The following HLCS variants were observed in gnomAD, a reference collection of about 807,000 sequenced individuals.
HLCS encodes the protein biotin--protein ligase.
Under a neutral mutation model 75.0 loss-of-function variants are expected in HLCS, and 53 were observed. The ratio of observed to expected loss-of-function variants is 0.71; its 90% CI spans 0.57 to 0.89. The LOEUF (loss-of-function observed/expected upper bound fraction) is 0.89, where lower values mean the gene tolerates loss of function less well. Among genes scored for constraint, HLCS ranks in the 40% least tolerant of loss-of-function variants. HLCS has a pLI of 0.00. For synonymous variants in HLCS, 431 were observed against 428.6 expected, an observed-to-expected ratio of 1.01 and a Z score of -0.07; for missense variants, 966 against 1,074.0, an observed-to-expected ratio of 0.90 and a Z score of 1.41.
intron 8 of HLCS, among the ~76,000 whole-genome samples, chr21:36,763,178 C>T (rs1427015647): frequency 6.6e-6 from 1 of 152,162 alleles, no homozygotes; most frequent in Non-Finnish European, 1.5e-5. Context: ...GCACCCATCA[C>T]CATGTCTGGC....
intron 8 of HLCS, among the ~76,000 whole-genome samples, chr21:36,764,724 A>G (rs1254459120): frequency 6.6e-6 from 1 of 152,146 alleles, no homozygotes; most frequent in Non-Finnish European, 1.5e-5. Context: ...AAATAAATAA[A>G]CAACAACAAA....
intron 6 of HLCS, among the ~76,000 whole-genome samples, chr21:36,837,817 C>A (rs1057325408): frequency 6.6e-6 from 1 of 151,990 alleles, no homozygotes; most frequent in Non-Finnish European, 1.5e-5. Context: ...CAGCCCAGCC[C>A]CTGTTGATAC....
At chr21:36,840,994 G>C (rs1242996463) in intron 6 of HLCS, among the ~76,000 whole-genome samples, 1 of 151,798 alleles carries the variant, frequency 6.6e-6, no homozygotes, top group African/African-American at 2.4e-5. Context: ...AAGAGGGGTG[G>C]GACAACAATA....
intron 6 of HLCS, among the ~76,000 whole-genome samples, chr21:36,857,859 G>A (rs569932416): frequency 1.3e-5 from 2 of 152,094 alleles, no homozygotes; most frequent in East Asian, 1.9e-4. Context: ...GTGCAATCTC[G>A]GCTCAATGCA....
At chr21:36,984,273 T>C (rs1216703941) in intron 1 of HLCS, among the ~76,000 whole-genome samples, 1 of 152,170 alleles carries the variant, frequency 6.6e-6, no homozygotes, top group African/African-American at 2.4e-5. Context: ...ACCCTATATA[T>C]ATTGTTTTTT....
chr21:36,896,577 A>G (rs1183852736), intron 6 of HLCS: 3 of 471,884 alleles, frequency 6.4e-6, no homozygotes, highest in African/African-American at 2.0e-5. Flanking sequence ...ATCTTTTTTC[A>G]TAATATTCGT....
In HLCS at chr21:36,750,152, G is replaced by A. The variant is rs2089322125; in HGVS notation, c.*4094C>T. Among the ~76,000 whole-genome samples the A allele has an allele frequency of 6.6e-6, 1 of 152,130 alleles. No homozygotes were observed. Among genetic ancestry groups the A allele is most frequent in the Non-Finnish European group, 1.5e-5 (1 of 68,026 alleles). On this transcript the variant is annotated 3_prime_UTR_variant, in exon 11 of 11. Transcript: ENST00000674895. ...TCTGCACATTTAAGCTGGGGATAGC[G>A]TTTCTTGACTTCTGTGAGGCTCCGG... is the stretch of plus-strand genomic sequence containing the variant.
At chr21:36,929,725 G>A (rs570209255) in intron 5 of HLCS, among the ~76,000 whole-genome samples, 30 of 152,314 alleles carry the variant, frequency 2.0e-4, no homozygotes, top group African/African-American at 4.8e-4. Flanking sequence ...AGAATCTGGC[G>A]ACCTGCCCAA....
Position 36,896,967 on chromosome 21 carries a change from T to C in HLCS, c.1785A>G (p.Ser595=), listed in dbSNP as rs749192460. ...PVVTNMEAFS[S]EHFNLEIYRQ... ...GATAGATCTCTAAGTTGAAATGTTC[T>C]GATGAGAAGGCCTCCATGTTGGTCA... The change falls in exon 6 of 11, where the codon TCA becomes TCG. Residue 595 remains serine, a synonymous_variant. Coordinates refer to ENST00000674895, the MANE Select transcript of HLCS (RefSeq NM_001352514.2). 2.5e-6 allele frequency: 4 copies of C among 1,614,208 alleles called. No homozygotes were observed. Among genetic ancestry groups the C allele is most frequent in the South Asian group, 2.2e-5 (2 of 91,086 alleles).
At chr21:36,791,510 G>GA (rs1742837740) in intron 6 of HLCS, among the ~76,000 whole-genome samples, 1 of 152,156 alleles carries the variant, frequency 6.6e-6, no homozygotes, top group East Asian at 1.9e-4. Flanking sequence ...CCAGAGAGGA[G>GA]AAAAAATCAT....
At chr21:36,802,608 A>C (rs1372176642) in intron 6 of HLCS, among the ~76,000 whole-genome samples, 4 of 152,234 alleles carry the variant, frequency 2.6e-5, no homozygotes, top group Non-Finnish European at 4.4e-5. Context: ...CAAGCAGATG[A>C]GTGGCACAGC....
intron 5 of HLCS, among the ~76,000 whole-genome samples, chr21:36,924,760 C>T (rs1462410847): frequency 3.3e-5 from 5 of 152,208 alleles, no homozygotes; most frequent in African/African-American, 7.2e-5. Flanking sequence ...AATTATCCCT[C>T]GTTTTCCAGA....
rs554746203 is a variant in HLCS, at chr21:36,754,231, C to T, written c.*15G>A. On this transcript the variant is annotated 3_prime_UTR_variant, in exon 11 of 11. Transcript: ENST00000674895. ...TGGGCACGGACAGGCAGCCGCGTCT[C>T]GGGGACGCCCGGCATTACCGCCGTT... 15 of 1,613,380 alleles carry T rather than the reference C, an allele frequency of 9.3e-6. No homozygotes were observed. The highest frequency in any genetic ancestry group is 4.5e-5 in the East Asian group (2 of 44,880).
At chr21:36,819,873 CA>C in intron 6 of HLCS, among the ~76,000 whole-genome samples, 1 of 152,290 alleles carries the variant, frequency 6.6e-6, no homozygotes, top group Middle Eastern at 3.4e-3. Flanking sequence ...AGAAGTTGCA[CA>C]TCTGAAAGAT....
rs577050058 is a variant in HLCS, at chr21:36,893,047, T to C, written c.1892+3813A>G. ...GCCTCAGCCTCCCAAAGTGCTGCAA[T>C]TACAGGCATGAGCCACAAAAAAAGT... is the stretch of plus-strand genomic sequence containing the variant. On this transcript the variant is annotated intron_variant, in intron 6 of 10. Coordinates refer to ENST00000674895, the MANE Select transcript of HLCS (RefSeq NM_001352514.2). Among the ~76,000 whole-genome samples, 4 of 152,252 alleles carry C rather than the reference T, an allele frequency of 2.6e-5. No homozygotes were observed. In the South Asian group the frequency reaches 8.3e-4, roughly 32 times the overall value.
At chr21:36,862,974 G>A (rs571703439) in intron 6 of HLCS, among the ~76,000 whole-genome samples, 2 of 149,556 alleles carry the variant, frequency 1.3e-5, no homozygotes, top group South Asian at 4.3e-4. Context: ...AAGCGACGGG[G>A]TCTCATTATG....
chr21:36,858,452 A>T (rs2063272544), intron 6 of HLCS, among the ~76,000 whole-genome samples: 1 of 152,206 alleles, frequency 6.6e-6, no homozygotes, highest in Non-Finnish European at 1.5e-5. Flanking sequence ...AGAAAACAGA[A>T]GATTGGGGGG....
At chr21:36,895,091 C>T (rs2064960545) in intron 6 of HLCS, among the ~76,000 whole-genome samples, 1 of 152,018 alleles carries the variant, frequency 6.6e-6, no homozygotes, top group Non-Finnish European at 1.5e-5. Context: ...CGCTGCCTGG[C>T]CACGAGCTCC....
At chr21:36,819,372 A>G (rs1168174646) in intron 6 of HLCS, among the ~76,000 whole-genome samples, 1 of 152,250 alleles carries the variant, frequency 6.6e-6, no homozygotes, top group African/African-American at 2.4e-5. Context: ...TCCACGCTTC[A>G]TAATGAACAC....
Sources: allele counts gnomAD v4.1 joint callset (sites outside exome capture counted in the v4.1 genomes callset), GRCh38; gene constraint gnomAD v4.1.1; transcripts MANE v1.5; gene names NCBI Gene and HGNC (gene_info 2026-07-23, HGNC 2026-07-21).